The following USO1 variants were observed in gnomAD, a reference collection of about 807,000 sequenced individuals.
The protein encoded by USO1 is general vesicular transport factor p115.
Under a neutral mutation model 124.5 loss-of-function variants are expected in USO1, and 57 were observed. That is an observed-to-expected ratio of 0.46 (90% CI 0.37 to 0.57). The LOEUF is 0.57. Among genes scored for constraint, USO1 ranks in the 20% least tolerant of loss-of-function variants. USO1 has a pLI of 0.00. For missense variants in USO1, 900 were observed against 1,040.6 expected, an observed-to-expected ratio of 0.86 and a Z score of 1.86; for synonymous variants, 369 against 362.8, an observed-to-expected ratio of 1.02 and a Z score of -0.19.
intron 1 of USO1, among the ~76,000 whole-genome samples, chr4:75,751,798 C>T (rs929705092): frequency 1.0e-3 from 158 of 151,736 alleles, no homozygotes; most frequent in African/African-American, 3.7e-3. Context: ...CATTGTCGCA[C>T]TCCAGCCTGG....
chr4:75,793,228 T>TG (rs1722582232), intron 12 of USO1, among the ~76,000 whole-genome samples: 1 of 75,038 alleles, frequency 1.3e-5, no homozygotes, highest in South Asian at 5.0e-4. Context: ...TTTTTTTTTT[T>TG]GAAGATAAGG....
intron 18 of USO1, 24 bp downstream of exon 18, chr4:75,804,296 A>G (rs370777091): frequency 8.7e-6 from 14 of 1,602,566 alleles, no homozygotes; most frequent in African/African-American, 2.7e-5. Context: ...AGCCATCACT[A>G]TGATAGCACT....
chr4:75,799,804 T>A, intron 14 of USO1, 72 bp downstream of exon 14: 1 of 1,545,998 alleles, frequency 6.5e-7, no homozygotes, highest in Non-Finnish European at 8.8e-7. Context: ...CAATTAGAAG[T>A]AGTTCTATGC....
chr4:75,724,722 TA>T lies in USO1; in HGVS notation c.-97del. On this transcript the variant is annotated 5_prime_UTR_variant, in exon 1 of 24. Coordinates refer to ENST00000514213, the MANE Select transcript of USO1 (RefSeq NM_003715.4). ...CGGTGGTGGCAGCAGTAGGAGTGTG[TA>T]GAGTGCGGGATTGGGGCCCAGGCCC... 1 of 1,263,450 alleles carries T rather than the reference TA, an allele frequency of 7.9e-7. No homozygotes were observed. The highest frequency in any genetic ancestry group is 1.1e-6 in the Non-Finnish European group (1 of 890,398). The allele number at this position is 1,263,450 out of a possible 1,614,324, so 78.3% of individuals were successfully genotyped here. A position where few individuals can be genotyped will look rare whatever the true frequency, so the allele number is the denominator to read the frequency against.
chr4:75,772,795 T>TA (rs1009151725), intron 7 of USO1, among the ~76,000 whole-genome samples: 4 of 151,842 alleles, frequency 2.6e-5, no homozygotes, highest in African/African-American at 9.7e-5. Context: ...AAAGTGCTCT[T>TA]AAAAAAAATA....
rs141814195 is a variant in USO1 at position 75,735,596 on chromosome 4, C to A, written c.66+10711C>A. ...AGTGCAGTGGTGTGATCACGTCTCA[C>A]TTCAGCCTCAACCTCCTATACTCAA... is the stretch of plus-strand genomic sequence containing the variant. On this transcript the variant is annotated intron_variant, in intron 1 of 23. Transcript: ENST00000514213. Among the ~76,000 whole-genome samples, 100 of 152,276 alleles carry A rather than the reference C, an allele frequency of 6.6e-4. 1 individual carries two copies. The highest frequency in any genetic ancestry group is 2.3e-3 in the African/African-American group (95 of 41,558).
intron 1 of USO1, among the ~76,000 whole-genome samples, chr4:75,725,219 C>T (rs2149131600): frequency 6.6e-6 from 1 of 152,308 alleles, no homozygotes; most frequent in East Asian, 1.9e-4. Flanking sequence ...GCCTCCCACG[C>T]CCCTCGGGGC....
Position 75,770,533 on chromosome 4 carries a change from A to G in USO1, c.390A>G (p.Leu130=), listed in dbSNP as rs376896921. 3.8e-6 allele frequency: 6 copies of G among 1,576,038 alleles called. No individual in the cohort carries two copies. The African/African-American group carries it at 4.1e-5, about 11-fold the overall frequency. The part of the protein sequence containing the change: ...QQENVTLLLS[L]LEEFDFHVRW... ...AAAATGTCACTCTTCTGTTATCTTTATTGGAGGTAAATAGGGAACCTTGAT... is the reference window on the plus strand; with the variant it reads ...AAAATGTCACTCTTCTGTTATCTTTGTTGGAGGTAAATAGGGAACCTTGAT... Residue 130 remains leucine (L), a synonymous_variant, in exon 5 of 24, where the codon TTA becomes TTG. Transcript: ENST00000514213.
intron 13 of USO1, among the ~76,000 whole-genome samples, chr4:75,795,914 TTTTTG>T (rs36105117): frequency 0.79 from 118,597 of 150,124 alleles, 47,106 homozygotes; most frequent in East Asian, 0.98. Context: ...GAAAGTGCTA[TTTTTG>T]TTTTGTTTTG....
chr4:75,725,234 G>C (rs1720383634), intron 1 of USO1, among the ~76,000 whole-genome samples: 1 of 152,156 alleles, frequency 6.6e-6, no homozygotes, highest in Non-Finnish European at 1.5e-5. Context: ...CGGGGCCGTG[G>C]GCCCCTCCCT....
intron 13 of USO1, among the ~76,000 whole-genome samples, chr4:75,796,137 T>G (rs1358001641): frequency 6.6e-6 from 1 of 152,018 alleles, no homozygotes; most frequent in Non-Finnish European, 1.5e-5. Context: ...CCTGCAGAAT[T>G]TTATATTAGG....
At position 75,749,384 on chromosome 4, in the gene USO1, T is replaced by C. The variant is rs1577935169; in HGVS notation, c.67-2989T>C. 2.0e-5 allele frequency among the ~76,000 whole-genome samples: 3 copies of C among 152,032 alleles called. No individual in the cohort carries two copies. In the East Asian group the frequency reaches 5.8e-4, roughly 29 times the overall value. Reference sequence around the variant, plus strand: ...TGTACAGAATCTTTAAAGAATATAATAAACTTATACTTTCTTTTTGTTTTT... The same window carrying C: ...TGTACAGAATCTTTAAAGAATATAACAAACTTATACTTTCTTTTTGTTTTT... On this transcript the variant is annotated intron_variant, in intron 1 of 23. Coordinates refer to ENST00000514213, the MANE Select transcript of USO1 (RefSeq NM_003715.4).
At chr4:75,782,903 A>C in intron 9 of USO1, 45 bp downstream of exon 9, 1 of 1,512,900 alleles carries the variant, frequency 6.6e-7, no homozygotes, top group Non-Finnish European at 8.8e-7. Context: ...TTTGACAGTG[A>C]TCTTTTCAAA....
At chr4:75,741,331 G>A (rs1406730702) in intron 1 of USO1, among the ~76,000 whole-genome samples, 1 of 152,168 alleles carries the variant, frequency 6.6e-6, no homozygotes, top group African/African-American at 2.4e-5. Context: ...AAGTGAGTGA[G>A]TGGTGAATGA....
At chr4:75,754,601 C>G (rs1297706585) in intron 3 of USO1, among the ~76,000 whole-genome samples, 1 of 152,156 alleles carries the variant, frequency 6.6e-6, no homozygotes, top group Admixed American at 6.5e-5. Flanking sequence ...TTCCATGCCC[C>G]CTTCGACCAC....
intron 4 of USO1, among the ~76,000 whole-genome samples, chr4:75,765,259 T>A (rs560285231): frequency 2.0e-5 from 3 of 152,250 alleles, no homozygotes; most frequent in East Asian, 3.9e-4. Flanking sequence ...TGGAGAATAA[T>A]TTATTTGACA....
intron 1 of USO1, among the ~76,000 whole-genome samples, chr4:75,739,981 A>G (rs1720912380): frequency 6.6e-6 from 1 of 152,176 alleles, no homozygotes; most frequent in Non-Finnish European, 1.5e-5. Flanking sequence ...TCACTGAGGC[A>G]TGTGTTATAG....
intron 12 of USO1, 112 bp downstream of exon 12, chr4:75,790,909 G>GATA: frequency 8.5e-7 from 1 of 1,174,956 alleles, no homozygotes. Context: ...ATGCTTAGGA[G>GATA]AGAAAAAAAA....
chr4:75,812,114 G>T, intron 22 of USO1, 46 bp from the exon 23 acceptor site: 1 of 1,553,374 alleles, frequency 6.4e-7, no homozygotes, highest in South Asian at 1.2e-5. Flanking sequence ...CTCTAGGAAA[G>T]TGAGTGCTAA....
Sources: gnomAD v4.1 joint callset for allele counts (sites outside exome capture counted in the v4.1 genomes callset) on GRCh38, gnomAD v4.1.1 for gene constraint, MANE v1.5 for transcripts, NCBI Gene and HGNC (gene_info 2026-07-23, HGNC 2026-07-21) for gene names.